Variants in ADA observed in about 807,000 individuals in gnomAD.
ADA encodes adenosine deaminase, also known as adenosine aminohydrolase.
In ADA, 45 loss-of-function variants were observed where a neutral mutation model predicts 49.0. That is an observed-to-expected ratio of 0.92 (90% CI 0.72 to 1.18). ADA has a LOEUF of 1.18. ADA is among the 50% of genes most tolerant of loss of function. ADA has a pLI of 0.00. For missense variants in ADA, 445 were observed against 472.5 expected, an observed-to-expected ratio of 0.94 and a Z score of 0.54; for synonymous variants, 173 against 184.2, an observed-to-expected ratio of 0.94 and a Z score of 0.49.
intron 1 of ADA, among the ~76,000 whole-genome samples, chr20:44,642,473 AAAG>A (rs1168810277): frequency 2.0e-5 from 3 of 152,320 alleles, no homozygotes; most frequent in Admixed American, 6.5e-5. Context: ...CAGGGAGAAG[AAAG>A]AAGGAGAGGG....
At chr20:44,634,602 G>A (rs1341692911) in intron 2 of ADA, among the ~76,000 whole-genome samples, 3 of 152,324 alleles carry the variant, frequency 2.0e-5, no homozygotes, top group South Asian at 2.1e-4. Context: ...CCCGGGTAAC[G>A]CACTTAAAGG....
intron 2 of ADA, among the ~76,000 whole-genome samples, chr20:44,634,417 T>C (rs983385063): frequency 6.6e-6 from 1 of 152,228 alleles, no homozygotes; most frequent in Non-Finnish European, 1.5e-5. Context: ...AACCTCTAAC[T>C]GACAGGGGGT....
chr20:44,622,811 A>G lies in ADA; in HGVS notation c.780+18T>C. The G allele has an allele frequency of 6.2e-7, 1 of 1,613,898 alleles. No homozygotes were observed. Among genetic ancestry groups the G allele is most frequent in the Non-Finnish European group, 8.5e-7 (1 of 1,179,962 alleles). On this transcript the variant is annotated intron_variant, in intron 8 of 11. Transcript: ENST00000372874. Reference sequence around the variant, plus strand: ...GGACAGCCGGGGATGGTTCCTCCCCACTCCCTGGCCCGCTTACCTCGAAGT... The same window carrying G: ...GGACAGCCGGGGATGGTTCCTCCCCGCTCCCTGGCCCGCTTACCTCGAAGT...
intron 1 of ADA, among the ~76,000 whole-genome samples, chr20:44,643,672 C>T (rs915295320): frequency 6.6e-6 from 1 of 152,176 alleles, no homozygotes; most frequent in African/African-American, 2.4e-5. Flanking sequence ...GCACTCATGT[C>T]GAGACAGTGC....
intron 4 of ADA, 191 bp downstream of exon 4, chr20:44,626,265 G>A (rs909916349): frequency 3.9e-6 from 3 of 777,026 alleles, no homozygotes; most frequent in East Asian, 2.7e-5. Context: ...AGAACATAAC[G>A]GCAAAGGGAG....
At chr20:44,624,491 G>A (rs1015122049) in intron 5 of ADA, among the ~76,000 whole-genome samples, 162 bp from the exon 6 acceptor site, 11 of 152,224 alleles carry the variant, frequency 7.2e-5, no homozygotes, top group Non-Finnish European at 8.8e-5. Context: ...CATGGCCTGC[G>A]GAAAACTGCT....
At chr20:44,644,562 C>T (rs1237875950) in intron 1 of ADA, among the ~76,000 whole-genome samples, 1 of 152,210 alleles carries the variant, frequency 6.6e-6, no homozygotes, top group Non-Finnish European at 1.5e-5. Flanking sequence ...GTGCCCACTG[C>T]CAATCGAATG....
intron 1 of ADA, among the ~76,000 whole-genome samples, chr20:44,639,941 G>A (rs1390344156): frequency 2.0e-5 from 3 of 152,052 alleles, no homozygotes; most frequent in Non-Finnish European, 4.4e-5. Flanking sequence ...CCTTACGGAG[G>A]AGGCTGAGCC....
intron 1 of ADA, among the ~76,000 whole-genome samples, chr20:44,641,966 C>T (rs1392770288): frequency 6.6e-6 from 1 of 152,030 alleles, no homozygotes; most frequent in Non-Finnish European, 1.5e-5. Context: ...CAGGGTTTCA[C>T]CATGTTGGCC....
In ADA at chr20:44,619,647, A is replaced by C. The variant is rs1465345183; in HGVS notation, c.*187T>G. 2.8e-6 allele frequency: 2 copies of C among 719,140 alleles called. No individual in the cohort carries two copies. The highest frequency in any genetic ancestry group is 3.5e-5 in the African/African-American group (2 of 56,582). The allele number at this position is 719,140 out of a possible 1,614,324, so 44.5% of individuals were successfully genotyped here. A position where few individuals can be genotyped will look rare whatever the true frequency, so the allele number is the denominator to read the frequency against. ...GCGCTGGTCCCTGGCCAGGGCACAT[A>C]ATCAGAGAAGTGACGCGGCCATGCC... is the stretch of plus-strand genomic sequence containing the variant. On this transcript the variant is annotated 3_prime_UTR_variant, in exon 12 of 12. Transcript: ENST00000372874.
rs1555844006 is a variant in ADA at position 44,622,642 on chromosome 20, CA to C, written c.790del (p.Trp264GlyfsTer47). Reference sequence around the variant, plus strand: ...CCAGGCACCAGTGAGGTAGCTGGACCAGGGGCAGATCTGGAAGAGCAGGTGT... The same window carrying C: ...CCAGGCACCAGTGAGGTAGCTGGACCGGGGCAGATCTGGAAGAGCAGGTGT... ...QENMHFEICP[W>X]SSYLTGAWKP... On this transcript the variant is annotated frameshift_variant, in exon 9 of 12. Coordinates refer to ENST00000372874, the MANE Select transcript of ADA (RefSeq NM_000022.4). LOFTEE classifies it high-confidence loss of function. 3 of 1,614,252 alleles carry C rather than the reference CA, an allele frequency of 1.9e-6. No individual in the cohort carries two copies. The highest frequency in any genetic ancestry group is 2.5e-6 in the Non-Finnish European group (3 of 1,180,046).
intron 1 of ADA, among the ~76,000 whole-genome samples, chr20:44,650,139 G>C (rs2145364590): frequency 6.6e-6 from 1 of 152,346 alleles, no homozygotes; most frequent in African/African-American, 2.4e-5. Context: ...GACTGCAAAG[G>C]GGAGGCGCCA....
At chr20:44,646,654 G>A (rs1287684630) in intron 1 of ADA, among the ~76,000 whole-genome samples, 2 of 151,932 alleles carry the variant, frequency 1.3e-5, no homozygotes, top group Middle Eastern at 3.2e-3. Flanking sequence ...TTACAGAGGG[G>A]GAAGCTGAGT....
chr20:44,634,158 C>T lies in ADA; in HGVS notation c.95+2069G>A, dbSNP rs920116423. Among the ~76,000 whole-genome samples the T allele has an allele frequency of 1.2e-4, 18 of 152,322 alleles. No homozygotes were observed. In the East Asian group the frequency reaches 2.1e-3, roughly 18 times the overall value. ...CCCTGGCTGCAGCTGATGAGCCCTC[C>T]GTGACCCCTTAATGAGTGCCTGGGT... On this transcript the variant is annotated intron_variant, in intron 2 of 11. Coordinates refer to ENST00000372874, the MANE Select transcript of ADA (RefSeq NM_000022.4).
Position 44,640,810 on chromosome 20 carries a change from AACAC to A in ADA, c.34-4526_34-4523del, listed in dbSNP as rs962864079. Among the ~76,000 whole-genome samples the A allele has an allele frequency of 1.5e-3, 224 of 152,130 alleles. 1 individual carries two copies. The highest frequency in any genetic ancestry group is 4.9e-3 in the African/African-American group (205 of 41,490). ...GACAGAAGCAGAGAGTTTTAAGAGA[AACAC>A]ACACAAGAGGAAGCAGCAACGTGAC... On this transcript the variant is annotated intron_variant, in intron 1 of 11. Coordinates refer to ENST00000372874, the MANE Select transcript of ADA (RefSeq NM_000022.4).
intron 2 of ADA, among the ~76,000 whole-genome samples, chr20:44,632,342 G>C (rs888281483): frequency 6.6e-6 from 1 of 152,146 alleles, no homozygotes; most frequent in African/African-American, 2.4e-5. Context: ...TGGGGCTTTG[G>C]CTGAAAGCAC....
At position 44,619,544 on chromosome 20, in the gene ADA, T is replaced by G. The variant is rs1025066367; in HGVS notation, c.*290A>C. On this transcript the variant is annotated 3_prime_UTR_variant, in exon 12 of 12. Transcript: ENST00000372874. ...TGCTGCATGCCACCAGCCATGGGCT[T>G]CTTTATTGAGCACCAGATTTTCAGT... is the stretch of plus-strand genomic sequence containing the variant. 18 of 432,650 alleles carry G rather than the reference T, an allele frequency of 4.2e-5. No individual in the cohort carries two copies. The highest frequency in any genetic ancestry group is 2.9e-4 in the South Asian group (13 of 45,440). The allele number at this position is 432,650 out of a possible 1,614,324, so 26.8% of individuals were successfully genotyped here.
intron 9 of ADA, 79 bp from the exon 10 acceptor site, chr20:44,621,226 C>A (rs537130690): frequency 6.3e-7 from 1 of 1,575,282 alleles, no homozygotes; most frequent in African/African-American, 1.3e-5. Flanking sequence ...CGTTCACCCG[C>A]CTTTGATCCT....
chr20:44,636,258 TG>T lies in ADA; in HGVS notation c.63del (p.Ile22SerfsTer26). 6.2e-7 allele frequency: 1 copy of T among 1,610,236 alleles called. No individual in the cohort carries two copies. Among genetic ancestry groups the T allele is most frequent in the Non-Finnish European group, 8.5e-7 (1 of 1,178,116 alleles). On this transcript the variant is annotated frameshift_variant, in exon 2 of 12. Transcript: ENST00000372874. LOFTEE classifies it high-confidence loss of function. ...TAGTATAAGATGGTTTCAGGCTTGA[TG>T]GATCCGTCTAGGTGGACATGCAGTT... Reference protein sequence around the residue: ...KVELHVHLDGSIKPETILYYG... With the variant: ...KVELHVHLDGXIKPETILYYG...
Sources: gnomAD v4.1 joint callset for allele counts (sites outside exome capture counted in the v4.1 genomes callset) on GRCh38, gnomAD v4.1.1 for gene constraint, MANE v1.5 for transcripts, NCBI Gene and HGNC (gene_info 2026-07-23, HGNC 2026-07-21) for gene names.